PRDM10: variants seen among roughly 807,000 people sequenced by gnomAD.
The protein encoded by PRDM10 is PR/SET domain 10.
PRDM10 carries 65 observed loss-of-function variants against 133.1 expected under a neutral mutation model. The observed-to-expected ratio is 0.49, with a 90% CI of 0.40 to 0.60. The LOEUF is 0.60. Among genes scored for constraint, PRDM10 ranks in the 20% least tolerant of loss-of-function variants. PRDM10 has a pLI of 0.00. For missense variants in PRDM10, 1,137 were observed against 1,507.1 expected (o/e 0.75, Z 4.07); for synonymous variants, 582 against 580.4 (o/e 1.00, Z -0.04).
rs146712718 is a variant in PRDM10, at chr11:129,906,193, G to A, written c.3164-452C>T. Among the ~76,000 whole-genome samples, 353 of 152,274 alleles carry A rather than the reference G, an allele frequency of 2.3e-3. 1 individual carries two copies. Among genetic ancestry groups the A allele is most frequent in the Non-Finnish European group, 4.3e-3 (294 of 68,020 alleles). ...AAAATAAAGCCCACCCTAGCATCTT[G>A]TTGATGGTCTCTAAATAACATTTTC... On this transcript the variant is annotated intron_variant, in intron 19 of 20. Transcript: ENST00000360871.
chr11:129,910,284 A>G (rs1591573874), intron 19 of PRDM10, among the ~76,000 whole-genome samples, 192 bp downstream of exon 19: 2 of 152,348 alleles, frequency 1.3e-5, no homozygotes, highest in Non-Finnish European at 2.9e-5. Context: ...AAAATGTCCT[A>G]TCAGGGTAGC....
intron 19 of PRDM10, among the ~76,000 whole-genome samples, chr11:129,909,809 G>C (rs1950129846): frequency 6.6e-6 from 1 of 152,136 alleles, no homozygotes; most frequent in African/African-American, 2.4e-5. Flanking sequence ...CAGGGCTTTG[G>C]AATCAACGAC....
chr11:129,968,016 T>C (rs552334945), intron 1 of PRDM10, among the ~76,000 whole-genome samples: 2 of 152,286 alleles, frequency 1.3e-5, no homozygotes, highest in East Asian at 3.9e-4. Context: ...CAGGAGCTCC[T>C]GCCTTCATCA....
intron 1 of PRDM10, among the ~76,000 whole-genome samples, chr11:129,996,814 T>G (rs1342162700): frequency 1.7e-5 from 2 of 115,732 alleles, no homozygotes; most frequent in East Asian, 4.4e-4. Context: ...AACTGTGTGC[T>G]TTGTTATTGA....
At chr11:129,985,746 C>A (rs1938374601) in intron 1 of PRDM10, among the ~76,000 whole-genome samples, 1 of 121,346 alleles carries the variant, frequency 8.2e-6, no homozygotes, top group Non-Finnish European at 1.6e-5. Context: ...TGTGCCACTG[C>A]ACTCCAGCCT....
At chr11:129,921,916 C>T (rs890828512) in intron 13 of PRDM10, among the ~76,000 whole-genome samples, 1 of 152,336 alleles carries the variant, frequency 6.6e-6, no homozygotes, top group Admixed American at 6.5e-5. Flanking sequence ...CACAGTCTTT[C>T]ACAGACCACA....
intron 1 of PRDM10, among the ~76,000 whole-genome samples, chr11:129,985,705 G>T (rs902800551): frequency 7.7e-5 from 11 of 142,608 alleles, no homozygotes; most frequent in Admixed American, 7.3e-5. Context: ...GATCACTTGA[G>T]CCTGGGAGGC....
Position 129,947,289 on chromosome 11 carries a change from G to A in PRDM10, c.376C>T (p.Pro126Ser), listed in dbSNP as rs1951450489. 2 of 1,614,100 alleles carry A rather than the reference G, an allele frequency of 1.2e-6. No individual in the cohort carries two copies. Among genetic ancestry groups the A allele is most frequent in the Non-Finnish European group, 8.5e-7 (1 of 1,180,024 alleles). Reference protein sequence around the residue: ...GSDPLATLQTPLGRLEAKEEE... With the variant: ...GSDPLATLQTSLGRLEAKEEE... ...TCTTTGGCCTCCAGTCTGCCTAGAG[G>A]GGTCTGCAGAGTTGCCAAAGGGTCG... Residue 126 changes from proline to serine, a missense_variant, in exon 5 of 21, where the codon CCT (proline) becomes TCT (serine). Pro to Ser is a moderately conservative substitution (Grantham distance 74, BLOSUM62 -1). Transcript: ENST00000360871. This position sits in a 1 kb window ranked among gnomAD's most constrained non-coding sequence, Gnocchi z 4.6.
chr11:129,957,884 T>C lies in PRDM10; in HGVS notation c.96A>G (p.Thr32=). ...AQVHFVPDTG[T]VAQIVYTDDQ... is the part of the protein sequence containing the mutation. ...CATCGGTATAGACAATCTGAGCCAC[T>C]GTTCCTGTGTCCGGAACAAAGTGCA... Residue 32 remains threonine (T), a synonymous_variant, in exon 3 of 21, where the codon ACA becomes ACG. Coordinates refer to ENST00000360871, the MANE Select transcript of PRDM10 (RefSeq NM_199437.2). The C allele has an allele frequency of 6.2e-7, 1 of 1,613,518 alleles. No homozygotes were observed. The highest frequency in any genetic ancestry group is 1.1e-5 in the South Asian group (1 of 90,978).
chr11:129,959,004 C>G (rs1444151686), intron 2 of PRDM10, among the ~76,000 whole-genome samples: 1 of 152,212 alleles, frequency 6.6e-6, no homozygotes, highest in South Asian at 2.1e-4. Flanking sequence ...GCAGATGGCC[C>G]AAGAACACAT....
chr11:129,922,644 C>G (rs1950550911), intron 13 of PRDM10, among the ~76,000 whole-genome samples: 1 of 152,138 alleles, frequency 6.6e-6, no homozygotes. Flanking sequence ...GCAGAATCAC[C>G]TTATTTCCCA....
intron 17 of PRDM10, 55 bp from the exon 18 acceptor site, chr11:129,912,280 G>A (rs1950210309): frequency 2.1e-6 from 3 of 1,398,678 alleles, no homozygotes; most frequent in Non-Finnish European, 1.9e-6. Flanking sequence ...TGAAGTTAAG[G>A]GAAATCCTTC....
At chr11:129,999,299 G>A (rs1159655190) in intron 1 of PRDM10, among the ~76,000 whole-genome samples, 1 of 152,166 alleles carries the variant, frequency 6.6e-6, no homozygotes, top group Non-Finnish European at 1.5e-5. Flanking sequence ...CTATCCCCCA[G>A]GAGAATTTGA....
In PRDM10 at chr11:129,915,874, C is replaced by T. The variant is rs772350974; in HGVS notation, c.2326-14G>A. The T allele has an allele frequency of 6.2e-6, 10 of 1,610,040 alleles. No individual in the cohort carries two copies. The highest frequency in any genetic ancestry group is 5.1e-6 in the Non-Finnish European group (6 of 1,178,144). ...ACTTTTATAAACCTGCAAATGTAAG[C>T]GCCTTGCCATGAAAGCAGTATACAG... On this transcript the variant is annotated splice_polypyrimidine_tract_variant and intron_variant, in intron 15 of 20. Coordinates refer to ENST00000360871, the MANE Select transcript of PRDM10 (RefSeq NM_199437.2).
intron 1 of PRDM10, among the ~76,000 whole-genome samples, chr11:129,976,149 C>A (rs1937744100): frequency 6.6e-6 from 1 of 152,194 alleles, no homozygotes; most frequent in South Asian, 2.1e-4. Flanking sequence ...ATTCCAGCTG[C>A]TCCTCTTCTT....
In PRDM10 at chr11:129,995,684, G is replaced by A. The variant is rs903162646; in HGVS notation, c.-119+7038C>T. On this transcript the variant is annotated intron_variant, in intron 1 of 20. Transcript: ENST00000360871. ...GAGAGGGGCAGGGGCCGTAGCGCACGCCTGTAACTCCAGCACTTTGGGAGG... is the reference window on the plus strand; with the variant it reads ...GAGAGGGGCAGGGGCCGTAGCGCACACCTGTAACTCCAGCACTTTGGGAGG... 8.5e-5 allele frequency among the ~76,000 whole-genome samples: 13 copies of A among 152,066 alleles called. No homozygotes were observed. In the East Asian group the frequency reaches 1.4e-3, roughly 16 times the overall value.
chr11:129,979,015 C>T (rs1396918072), intron 1 of PRDM10, among the ~76,000 whole-genome samples: 1 of 152,168 alleles, frequency 6.6e-6, no homozygotes, highest in East Asian at 1.9e-4. Flanking sequence ...CCTAGCCCGA[C>T]AATCCTACAT....
chr11:129,963,394 GAGAAGAGAAGAGAAGAGAAGAGA>G lies in PRDM10; in HGVS notation c.-118-2335_-118-2313del, dbSNP rs1565498372. Among the ~76,000 whole-genome samples, 340 of 143,082 alleles carry G rather than the reference GAGAAGAGAAGAGAAGAGAAGAGA, an allele frequency of 2.4e-3. 8 individuals carry two copies. The highest frequency in any genetic ancestry group is 7.6e-3 in the African/African-American group (287 of 37,976). The allele number at this position is 143,082 out of a possible 152,430, so 93.9% of individuals were successfully genotyped here. A position where few individuals can be genotyped will look rare whatever the true frequency, so the allele number is the denominator to read the frequency against. On this transcript the variant is annotated intron_variant, in intron 1 of 20. Transcript: ENST00000360871. ...CTGAAAGAAAAAAGAGAGAAGAGAA[GAGAAGAGAAGAGAAGAGAAGAGA>G]AGAGAAGAGAAGAGAAGAGAAGAGA...
chr11:129,971,206 T>C (rs919382094), intron 1 of PRDM10, among the ~76,000 whole-genome samples: 3 of 152,102 alleles, frequency 2.0e-5, no homozygotes, highest in Non-Finnish European at 4.4e-5. Flanking sequence ...CAAAATATAT[T>C]GCAAAGAGCA....
Sources: allele counts gnomAD v4.1 joint callset (sites outside exome capture counted in the v4.1 genomes callset), GRCh38; gene constraint gnomAD v4.1.1; non-coding constraint Gnocchi (gnomAD v3.1); transcripts MANE v1.5; gene names NCBI Gene and HGNC (gene_info 2026-07-23, HGNC 2026-07-21).